Variants in MRPL54 observed in about 807,000 individuals in gnomAD.
MRPL54 encodes the protein mitochondrial ribosomal protein L54.
MRPL54 carries 12 observed loss-of-function variants against 15.6 expected under a neutral mutation model. The observed-to-expected ratio is 0.77, with a 90% CI of 0.49 to 1.24. MRPL54 has a LOEUF of 1.24. Among genes scored for constraint, MRPL54 ranks in the 50% most tolerant of loss-of-function variants. The probability of loss-of-function intolerance (pLI) is 0.00; values close to 1 mark genes in which losing one functional copy is unlikely to be tolerated. For synonymous variants in MRPL54, 91 were observed against 75.7 expected (o/e 1.20, Z -1.05); for missense variants, 178 against 186.8 (o/e 0.95, Z 0.28).
intron 1 of MRPL54, among the ~76,000 whole-genome samples, chr19:3,764,466 G>A (rs561331475): frequency 2.7e-5 from 4 of 150,886 alleles, no homozygotes; most frequent in Non-Finnish European, 4.4e-5. Flanking sequence ...GGAGTGCAGC[G>A]ATGCGATCTC....
rs752337450 is a variant in MRPL54, at chr19:3,767,370, C to T, written c.394C>T (p.Leu132=). 1.2e-6 allele frequency: 2 copies of T among 1,610,368 alleles called. No individual in the cohort carries two copies. Among genetic ancestry groups the T allele is most frequent in the Admixed American group, 1.7e-5 (1 of 59,406 alleles). The change falls in exon 3 of 3, where the codon CTG becomes TTG. Residue 132 remains leucine, a synonymous_variant. Coordinates refer to ENST00000330133, the MANE Select transcript of MRPL54 (RefSeq NM_172251.3). Reference sequence around the variant, plus strand: ...ACAGAACATCTGGCGCCACAACCGGCTGAGCAAGAACAAGAGGTTGTAGCA... The same window carrying T: ...ACAGAACATCTGGCGCCACAACCGGTTGAGCAAGAACAAGAGGTTGTAGCA... ...RKQNIWRHNR[L]SKNKRL
At chr19:3,765,833 G>A (rs1448599499) in intron 2 of MRPL54, among the ~76,000 whole-genome samples, 1 of 151,216 alleles carries the variant, frequency 6.6e-6, no homozygotes, top group Non-Finnish European at 1.5e-5. Flanking sequence ...GGGAGGCAGA[G>A]GTTGCAGTGA....
intron 1 of MRPL54, among the ~76,000 whole-genome samples, chr19:3,763,558 T>C (rs923924294): frequency 6.6e-6 from 1 of 151,884 alleles, no homozygotes; most frequent in Admixed American, 6.6e-5. Context: ...GAGGATCGAT[T>C]GCTTGAACCC....
In MRPL54 at chr19:3,767,541, T is replaced by A. The variant is rs566386404; in HGVS notation, c.*148T>A. 2.1e-5 allele frequency: 23 copies of A among 1,120,638 alleles called. No homozygotes were observed. Among genetic ancestry groups the A allele is most frequent in the Non-Finnish European group, 2.9e-5 (23 of 803,528 alleles). 69.4% of individuals were successfully genotyped at this position (1,120,638 alleles called of 1,614,324 possible). Reference sequence around the variant, plus strand: ...GCTGGACCAGGGCCCTGGAGGCCAATAAAGAGCTTTCTGGGTAGACCCTAT... The same window carrying A: ...GCTGGACCAGGGCCCTGGAGGCCAAAAAAGAGCTTTCTGGGTAGACCCTAT... On this transcript the variant is annotated 3_prime_UTR_variant, in exon 3 of 3. Coordinates refer to ENST00000330133, the MANE Select transcript of MRPL54 (RefSeq NM_172251.3).
chr19:3,763,551 G>A (rs2037171255), intron 1 of MRPL54, among the ~76,000 whole-genome samples: 1 of 151,622 alleles, frequency 6.6e-6, no homozygotes, highest in Non-Finnish European at 1.5e-5. Flanking sequence ...AAGGAGGGAG[G>A]ATCGATTGCT....
intron 1 of MRPL54, among the ~76,000 whole-genome samples, chr19:3,763,685 A>G (rs1453284995): frequency 6.6e-6 from 1 of 152,010 alleles, no homozygotes; most frequent in East Asian, 1.9e-4. Flanking sequence ...AGGCTGATGC[A>G]GGTGGATCAC....
intron 2 of MRPL54, 126 bp from the exon 3 acceptor site, chr19:3,767,135 G>C: frequency 1.6e-6 from 2 of 1,286,194 alleles, no homozygotes; most frequent in Non-Finnish European, 2.1e-6. Flanking sequence ...GGACCACCCT[G>C]AGATCATGCA....
chr19:3,766,403 A>T (rs2037198518), intron 2 of MRPL54, among the ~76,000 whole-genome samples: 1 of 151,642 alleles, frequency 6.6e-6, no homozygotes, highest in Admixed American at 6.6e-5. Context: ...TAGTAGAGAC[A>T]GGGTTTCTCC....
chr19:3,767,421 C>T lies in MRPL54; in HGVS notation c.*28C>T, dbSNP rs776528282. ...TGGAGGGCCCGGCATCGCTGACCCC[C>T]ACGCCGAGGGCTTGCCGTTTTCCCG... On this transcript the variant is annotated 3_prime_UTR_variant, in exon 3 of 3. Coordinates refer to ENST00000330133, the MANE Select transcript of MRPL54 (RefSeq NM_172251.3). 28 of 1,601,004 alleles carry T rather than the reference C, an allele frequency of 1.7e-5. No homozygotes were observed. Among genetic ancestry groups the T allele is most frequent in the Middle Eastern group, 3.3e-4 (2 of 6,030 alleles).
intron 2 of MRPL54, among the ~76,000 whole-genome samples, chr19:3,765,579 T>C (rs1273968587): frequency 6.6e-6 from 1 of 152,122 alleles, no homozygotes; most frequent in Non-Finnish European, 1.5e-5. Flanking sequence ...AAAACAATGC[T>C]TTATCTTAAG....
At chr19:3,763,343 A>C (rs1303952740) in intron 1 of MRPL54, among the ~76,000 whole-genome samples, 1 of 152,226 alleles carries the variant, frequency 6.6e-6, no homozygotes, top group African/African-American at 2.4e-5. Context: ...GAAATTGTCC[A>C]ATGTTCGGCC....
At chr19:3,765,989 G>T (rs1180822485) in intron 2 of MRPL54, among the ~76,000 whole-genome samples, 6 of 150,946 alleles carry the variant, frequency 4.0e-5, no homozygotes, top group Non-Finnish European at 5.9e-5. Flanking sequence ...TTGGCTCACT[G>T]CAACCTCTGC....
At chr19:3,762,878 C>A in intron 1 of MRPL54, 60 bp downstream of exon 1, 4 of 1,339,284 alleles carry the variant, frequency 3.0e-6, no homozygotes, top group South Asian at 1.4e-5. Flanking sequence ...ATTGACAGTG[C>A]GCAGGCGGTG....
intron 1 of MRPL54, among the ~76,000 whole-genome samples, chr19:3,764,921 G>A (rs1388799384): frequency 2.0e-5 from 3 of 151,732 alleles, no homozygotes; most frequent in East Asian, 2.0e-4. Context: ...CCAGCTACTT[G>A]GGAGGCTGAG....
intron 2 of MRPL54, among the ~76,000 whole-genome samples, chr19:3,765,696 G>A (rs564998793): frequency 5.9e-4 from 90 of 152,022 alleles, no homozygotes; most frequent in Middle Eastern, 3.4e-3. Flanking sequence ...TCAGGAGTTC[G>A]AGACCAGCCT....
intron 2 of MRPL54, 136 bp downstream of exon 2, chr19:3,765,467 G>GAT: frequency 1.1e-6 from 1 of 878,382 alleles, no homozygotes; most frequent in Non-Finnish European, 1.7e-6. Flanking sequence ...TTTAGGGCAG[G>GAT]GGGCTTCAGG....
At chr19:3,767,196 G>T in intron 2 of MRPL54, 65 bp from the exon 3 acceptor site, 1 of 1,551,136 alleles carries the variant, frequency 6.4e-7, no homozygotes, top group Non-Finnish European at 8.6e-7. Flanking sequence ...TGCCCGAGGT[G>T]CCCGGGACAC....
chr19:3,765,371 C>G, intron 2 of MRPL54, 40 bp downstream of exon 2: 2 of 1,603,892 alleles, frequency 1.2e-6, no homozygotes, highest in Non-Finnish European at 1.7e-6. Context: ...ATGACTATTC[C>G]TTCCTCCGCC....
At chr19:3,765,805 C>G (rs566747469) in intron 2 of MRPL54, among the ~76,000 whole-genome samples, 4 of 149,684 alleles carry the variant, frequency 2.7e-5, no homozygotes, top group African/African-American at 7.4e-5. Context: ...GGCTGAGGCA[C>G]GAGAATTGCT....
Sources: allele counts gnomAD v4.1 joint callset (sites outside exome capture counted in the v4.1 genomes callset), GRCh38; gene constraint gnomAD v4.1.1; transcripts MANE v1.5; gene names NCBI Gene and HGNC (gene_info 2026-07-23, HGNC 2026-07-21).